Variants in PPP2R2B observed in about 807,000 individuals in gnomAD.
The protein encoded by PPP2R2B is serine/threonine-protein phosphatase 2A 55 kDa regulatory subunit B beta isoform.
PPP2R2B carries 5 observed loss-of-function variants against 46.0 expected under a neutral mutation model. That is an observed-to-expected ratio of 0.11 (90% CI 0.06 to 0.23). The LOEUF is 0.23. Among genes scored for constraint, PPP2R2B ranks in the 10% least tolerant of loss-of-function variants. The pLI, the probability that PPP2R2B is intolerant of heterozygous loss-of-function variation, is 1.00. For synonymous variants in PPP2R2B, 215 were observed against 206.7 expected (o/e 1.04, Z -0.34); for missense variants, 367 against 575.0 (o/e 0.64, Z 3.70).
intron 2 of PPP2R2B, chr5:146,706,274 G>T: frequency 2.0e-6 from 1 of 499,486 alleles, no homozygotes; most frequent in Non-Finnish European, 3.8e-6. Context: ...CACAACCATG[G>T]CCCTGGTGGA....
At chr5:147,006,023 A>T (rs1754420734) in intron 1 of PPP2R2B, among the ~76,000 whole-genome samples, 1 of 152,182 alleles carries the variant, frequency 6.6e-6, no homozygotes, top group South Asian at 2.1e-4. Context: ...CTTCCTAACA[A>T]AAATCCTTAA....
At chr5:147,042,955 G>A (rs1671673223) in intron 1 of PPP2R2B, among the ~76,000 whole-genome samples, 1 of 152,148 alleles carries the variant, frequency 6.6e-6, no homozygotes, top group African/African-American at 2.4e-5. Flanking sequence ...AATGAGTCCA[G>A]TGTGGCTGGA....
intron 2 of PPP2R2B, among the ~76,000 whole-genome samples, chr5:146,828,612 A>G (rs1758726480): frequency 1.3e-5 from 2 of 152,220 alleles, no homozygotes; most frequent in South Asian, 4.1e-4. Flanking sequence ...CTGTAGAGAC[A>G]GCCAGATGGA....
intron 1 of PPP2R2B, among the ~76,000 whole-genome samples, chr5:146,915,088 T>C (rs952966799): frequency 1.3e-5 from 2 of 152,154 alleles, no homozygotes; most frequent in African/African-American, 2.4e-5. Flanking sequence ...CTCTCAGATA[T>C]ATCCTTATCT....
chr5:146,975,212 A>C (rs1376524952), intron 1 of PPP2R2B, among the ~76,000 whole-genome samples: 2 of 152,170 alleles, frequency 1.3e-5, no homozygotes, highest in Admixed American at 1.3e-4. Flanking sequence ...CTTTATTTCT[A>C]AGAGTGTGAC....
intron 2 of PPP2R2B, among the ~76,000 whole-genome samples, chr5:147,068,933 A>G (rs1757492440): frequency 6.6e-6 from 1 of 152,240 alleles, no homozygotes; most frequent in South Asian, 2.1e-4. Flanking sequence ...TTTAAATCGT[A>G]ATCAGAAAAA....
intron 1 of PPP2R2B, among the ~76,000 whole-genome samples, chr5:147,027,710 A>G (rs73316577): frequency 0.036 from 5,383 of 151,594 alleles, 334 homozygotes; most frequent in African/African-American, 0.12. Flanking sequence ...TCTTTTTGGG[A>G]TGATTGAAAT....
At chr5:147,077,185 GTATATTA>G (rs929999859) in intron 2 of PPP2R2B, among the ~76,000 whole-genome samples, 3 of 133,428 alleles carry the variant, frequency 2.2e-5, no homozygotes, top group East Asian at 2.0e-4. Context: ...GTATAATATT[GTATATTA>G]TATATTATAT....
intron 2 of PPP2R2B, chr5:146,706,703 A>C: frequency 2.3e-6 from 2 of 865,616 alleles, no homozygotes; most frequent in East Asian, 2.5e-5. Flanking sequence ...GGTTCATCTC[A>C]GAGATCTCAG....
At chr5:147,014,514 A>G (rs1173570604) in intron 1 of PPP2R2B, among the ~76,000 whole-genome samples, 1 of 152,174 alleles carries the variant, frequency 6.6e-6, no homozygotes, top group African/African-American at 2.4e-5. Context: ...AGACTGGATT[A>G]AGAAAATGTG....
intron 1 of PPP2R2B, among the ~76,000 whole-genome samples, chr5:146,975,294 A>G (rs1752848792): frequency 6.6e-6 from 1 of 152,180 alleles, no homozygotes; most frequent in Non-Finnish European, 1.5e-5. Context: ...TTTGCTTTGC[A>G]TATTTTCAAG....
chr5:146,593,797 G>C (rs575664018), intron 8 of PPP2R2B, among the ~76,000 whole-genome samples: 2 of 152,290 alleles, frequency 1.3e-5, no homozygotes, highest in East Asian at 3.9e-4. Context: ...GGGAGAGGAT[G>C]ATCAGTTTAC....
intron 5 of PPP2R2B, among the ~76,000 whole-genome samples, chr5:146,684,841 A>T (rs1778389557): frequency 6.6e-6 from 1 of 152,158 alleles, no homozygotes; most frequent in African/African-American, 2.4e-5. Flanking sequence ...CTTGTCAAAG[A>T]TGTCATTTCT....
rs1433037108 is a variant in PPP2R2B, at chr5:146,978,569, G to A, written c.79+77096C>T. ...GTATAAGGTGTAAGGAAGGGGTCCA[G>A]TTTCAGTTTTCTGCATATGGCTAGA... On this transcript the variant is annotated intron_variant, in intron 1 of 8. Coordinates refer to the PPP2R2B transcript ENST00000336640. Among the ~76,000 whole-genome samples the A allele has an allele frequency of 6.6e-5, 10 of 152,274 alleles. No homozygotes were observed. In the East Asian group the frequency reaches 1.9e-3, roughly 29 times the overall value.
At chr5:146,878,809 C>T, upstream of PPP2R2B, 3 of 1,274,636 alleles carry the variant, frequency 2.4e-6, no homozygotes, top group Non-Finnish European at 3.1e-6. This position sits in a 1 kb window ranked among gnomAD's most constrained non-coding sequence, Gnocchi z 4.5. Flanking sequence ...CTCCCAACCG[C>T]GTCAGCAGCC....
chr5:146,732,528 T>C (rs1369773390), intron 2 of PPP2R2B, among the ~76,000 whole-genome samples: 1 of 152,148 alleles, frequency 6.6e-6, no homozygotes, highest in Non-Finnish European at 1.5e-5. Context: ...AGAGGAAATA[T>C]AAAAGGTTTT....
At position 146,863,075 on chromosome 5, in the gene PPP2R2B, G is replaced by T. The variant is rs144257856; in HGVS notation, c.70+14927C>A. Among the ~76,000 whole-genome samples the T allele has an allele frequency of 5.9e-3, 898 of 151,798 alleles. 1 individual carries two copies. The highest frequency in any genetic ancestry group is 9.3e-3 in the Non-Finnish European group (630 of 67,938). ...AGTGCACAGAGATTTGTAGGTCCTG[G>T]TGGGTGCTTACCAAGTTTCTGATCT... On this transcript the variant is annotated intron_variant, in intron 2 of 9. Transcript: ENST00000394411.
chr5:146,593,787 G>A (rs369829404), intron 8 of PPP2R2B, among the ~76,000 whole-genome samples: 1 of 152,310 alleles, frequency 6.6e-6, no homozygotes, highest in East Asian at 1.9e-4. Flanking sequence ...AAGCAGCTGG[G>A]GGAGAGGATG....
chr5:146,915,598 C>T (rs1561515822), intron 1 of PPP2R2B, among the ~76,000 whole-genome samples: 1 of 152,134 alleles, frequency 6.6e-6, no homozygotes, highest in African/African-American at 2.4e-5. Context: ...TTCCTTTACC[C>T]TAAGTTTAGC....
Sources: allele counts gnomAD v4.1 joint callset (sites outside exome capture counted in the v4.1 genomes callset), GRCh38; gene constraint gnomAD v4.1.1; non-coding constraint Gnocchi (gnomAD v3.1); transcripts MANE v1.5; gene names NCBI Gene and HGNC (gene_info 2026-07-23, HGNC 2026-07-21).